The following PHACTR1 variants were observed in gnomAD, a reference collection of about 807,000 sequenced individuals.
The protein encoded by PHACTR1 is phosphatase and actin regulator 1.
A neutral mutation model predicts 69.2 loss-of-function variants in PHACTR1; 16 were observed. That is an observed-to-expected ratio of 0.23 (90% CI 0.16 to 0.35). PHACTR1 has a LOEUF of 0.35. Among genes scored for constraint, PHACTR1 ranks in the 10% least tolerant of loss-of-function variants. The pLI, the probability that PHACTR1 is intolerant of heterozygous loss-of-function variation, is 1.00. For missense variants in PHACTR1, 510 were observed against 734.7 expected (o/e 0.69, Z 3.54); for synonymous variants, 312 against 284.5 (o/e 1.10, Z -0.97).
intron 14 of PHACTR1, 144 bp downstream of exon 14, chr6:13,286,366 C>T (rs1781701960): frequency 1.5e-6 from 1 of 667,280 alleles, no homozygotes; most frequent in Non-Finnish European, 2.4e-6. Flanking sequence ...CATGCGGTTC[C>T]ACTTTAGGTT....
chr6:13,276,723 G>A (rs1778994143), intron 11 of PHACTR1, among the ~76,000 whole-genome samples: 2 of 152,046 alleles, frequency 1.3e-5, no homozygotes, highest in South Asian at 4.1e-4. Flanking sequence ...AGTGAGCCGA[G>A]ATCATGCCAC....
intron 4 of PHACTR1, among the ~76,000 whole-genome samples, chr6:12,943,052 A>G (rs377765718): frequency 1.2e-4 from 19 of 152,398 alleles, no homozygotes; most frequent in South Asian, 4.1e-4. Flanking sequence ...ATGTTCAAAC[A>G]AAAACTTGTA....
rs912910421 is a variant in PHACTR1, at chr6:12,877,183, G to T, written c.250+127393G>T. Among the ~76,000 whole-genome samples, 7 of 152,298 alleles carry T rather than the reference G, an allele frequency of 4.6e-5. No individual in the cohort carries two copies. In the South Asian group the frequency reaches 6.2e-4, roughly 14 times the overall value. ...CCCAGTCAAGTTGACACGACACATA[G>T]AATTAACCCTCATGATAAGGTTCAC... On this transcript the variant is annotated intron_variant, in intron 4 of 14. Transcript: ENST00000332995.
chr6:13,273,019 T>C (rs544362887), intron 11 of PHACTR1, 104 bp downstream of exon 11: 130 of 1,495,334 alleles, frequency 8.7e-5, no homozygotes, highest in South Asian at 5.4e-4. Flanking sequence ...GCGGAAAGCA[T>C]TGAAAACCTT....
chr6:12,774,812 T>C (rs1769849115), intron 4 of PHACTR1, among the ~76,000 whole-genome samples: 1 of 152,184 alleles, frequency 6.6e-6, no homozygotes, highest in Admixed American at 6.5e-5. Context: ...ATAGTCAGTT[T>C]TCAGGAAAGG....
At chr6:13,077,085 G>C (rs1160808289) in intron 5 of PHACTR1, among the ~76,000 whole-genome samples, 2 of 136,314 alleles carry the variant, frequency 1.5e-5, no homozygotes, top group Non-Finnish European at 3.1e-5. Context: ...AAAACTTAAA[G>C]TATAATAAAA....
intron 4 of PHACTR1, among the ~76,000 whole-genome samples, chr6:13,024,542 C>T (rs1158328149): frequency 6.6e-6 from 1 of 152,158 alleles, no homozygotes; most frequent in African/African-American, 2.4e-5. Flanking sequence ...CCTTTACCAT[C>T]CCCCTGAAAA....
intron 8 of PHACTR1, among the ~76,000 whole-genome samples, chr6:13,213,590 C>T (rs1398936005): frequency 2.0e-5 from 3 of 152,180 alleles, no homozygotes; most frequent in African/African-American, 7.2e-5. Flanking sequence ...AACTTAATGG[C>T]CAATGTCTTA....
At chr6:13,033,308 C>T (rs926656048) in intron 4 of PHACTR1, among the ~76,000 whole-genome samples, 1 of 152,168 alleles carries the variant, frequency 6.6e-6, no homozygotes, top group African/African-American at 2.4e-5. Flanking sequence ...CTGTTTCCAG[C>T]CCTAACCAAA....
At chr6:13,066,086 A>G (rs1438211151) in intron 5 of PHACTR1, among the ~76,000 whole-genome samples, 1 of 152,204 alleles carries the variant, frequency 6.6e-6, no homozygotes, top group Admixed American at 6.5e-5. Flanking sequence ...GTTTTTAAAA[A>G]ATCTCTAACA....
intron 4 of PHACTR1, among the ~76,000 whole-genome samples, chr6:12,846,975 A>AT (rs531412355): frequency 1.4e-5 from 2 of 140,120 alleles, no homozygotes; most frequent in Admixed American, 7.0e-5. Flanking sequence ...CACCCTGCTA[A>AT]TTTTTTTCTT....
At chr6:12,837,007 A>G (rs1475337448) in intron 4 of PHACTR1, among the ~76,000 whole-genome samples, 1 of 152,154 alleles carries the variant, frequency 6.6e-6, no homozygotes, top group Non-Finnish European at 1.5e-5. Context: ...ACACCAGCCC[A>G]GAACTCCTTG....
At chr6:12,877,533 ATG>A (rs1485921318) in intron 4 of PHACTR1, among the ~76,000 whole-genome samples, 1 of 152,144 alleles carries the variant, frequency 6.6e-6, no homozygotes, top group Admixed American at 6.5e-5. Flanking sequence ...CAGAACTGGA[ATG>A]TGCCCAATCA....
chr6:12,761,712 T>G (rs1768036553), intron 4 of PHACTR1, among the ~76,000 whole-genome samples: 1 of 152,208 alleles, frequency 6.6e-6, no homozygotes, highest in African/African-American at 2.4e-5. Context: ...TCCTTCTTTT[T>G]CAATCACCTC....
intron 5 of PHACTR1, among the ~76,000 whole-genome samples, chr6:13,072,307 A>T (rs1809657392): frequency 6.6e-6 from 1 of 152,238 alleles, no homozygotes; most frequent in African/African-American, 2.4e-5. Context: ...GTTTGTCACC[A>T]ACAGCATGCC....
chr6:13,279,731 C>A (rs937445650), intron 12 of PHACTR1: 2 of 152,234 alleles, frequency 1.3e-5, no homozygotes, highest in Non-Finnish European at 2.9e-5. Context: ...CAGTCGCTGT[C>A]CCACCCGTCA....
intron 4 of PHACTR1, among the ~76,000 whole-genome samples, chr6:13,024,029 A>G (rs1231608085): frequency 6.6e-6 from 1 of 151,824 alleles, no homozygotes; most frequent in Admixed American, 6.6e-5. Flanking sequence ...GTGAGCTGAG[A>G]TCGAGCCACT....
Position 13,185,981 on chromosome 6 carries a change from G to A in PHACTR1, c.664+3295G>A, listed in dbSNP as rs1027172376. On this transcript the variant is annotated intron_variant, in intron 7 of 14. Transcript: ENST00000332995. ...GCTATATTTCTCAACTCCGAGTTCA[G>A]CTAATGTTGTTTCCAGAGCAGGCTG... is the stretch of plus-strand genomic sequence containing the variant. Among the ~76,000 whole-genome samples the A allele has an allele frequency of 5.3e-5, 8 of 152,222 alleles. No individual in the cohort carries two copies. In the East Asian group the frequency reaches 9.6e-4, roughly 18 times the overall value.
At chr6:12,718,644 A>G (rs181373341) in intron 2 of PHACTR1, 55 bp from the exon 3 acceptor site, 196 of 514,412 alleles carry the variant, frequency 3.8e-4, no homozygotes, top group African/African-American at 3.5e-3. Context: ...ACATCTATAT[A>G]TACACTTTAT....
Sources: allele counts gnomAD v4.1 joint callset (sites outside exome capture counted in the v4.1 genomes callset), GRCh38; gene constraint gnomAD v4.1.1; transcripts MANE v1.5; gene names NCBI Gene and HGNC (gene_info 2026-07-23, HGNC 2026-07-21).